RBKS: variants seen among roughly 807,000 people sequenced by gnomAD.
RBKS encodes the protein ribokinase.
In RBKS, 33 loss-of-function variants were observed where a neutral mutation model predicts 33.9. The ratio of observed to expected loss-of-function variants is 0.97; its 90% confidence interval spans 0.74 to 1.30. The LOEUF is 1.30. RBKS is among the 50% of genes most tolerant of loss of function. The pLI is 0.00. For synonymous variants in RBKS, 125 were observed against 143.0 expected (o/e 0.87, Z 0.90); for missense variants, 361 against 392.6 (o/e 0.92, Z 0.68).
intron 2 of RBKS, among the ~76,000 whole-genome samples, chr2:27,857,977 T>A (rs78811807): frequency 6.6e-6 from 1 of 152,134 alleles, no homozygotes; most frequent in Admixed American, 6.6e-5. Context: ...AATCCATTCA[T>A]TGATGAATAA....
At chr2:27,811,069 C>G (rs533350379) in intron 7 of RBKS, among the ~76,000 whole-genome samples, 1 of 152,178 alleles carries the variant, frequency 6.6e-6, no homozygotes, top group East Asian at 1.9e-4. Flanking sequence ...TTTGAAGCAG[C>G]ACAAATATGC....
chr2:27,827,701 C>T lies in RBKS; in HGVS notation c.661G>A (p.Ala221Thr). 6.2e-7 allele frequency: 1 copy of T among 1,613,350 alleles called. No individual in the cohort carries two copies. The highest frequency in any genetic ancestry group is 8.5e-7 in the Non-Finnish European group (1 of 1,179,740). Residue 221 changes from alanine to threonine, a missense_variant, in exon 7 of 8, where the codon GCA becomes ACA. Coordinates refer to ENST00000302188, the MANE Select transcript of RBKS (RefSeq NM_022128.3). ...VGSAADAGEA[A>T]LVLLKRGCQV... ...CAGCCCCTTTTCAAGAGCACTAATG[C>T]AGCCTCCCCAGCATCTGCAGCGCTG... is the stretch of plus-strand genomic sequence containing the variant.
intron 1 of RBKS, among the ~76,000 whole-genome samples, chr2:27,864,757 A>G (rs929007900): frequency 9.9e-5 from 15 of 152,220 alleles, no homozygotes; most frequent in African/African-American, 3.1e-4. Flanking sequence ...AGGTTACATG[A>G]TAAGAATAAC....
intron 5 of RBKS, among the ~76,000 whole-genome samples, chr2:27,835,270 C>G (rs1267453087): frequency 7.3e-6 from 1 of 136,376 alleles, no homozygotes; most frequent in Non-Finnish European, 1.5e-5. Flanking sequence ...GAGCGAAACT[C>G]TGTCTCAAAA....
intron 4 of RBKS, among the ~76,000 whole-genome samples, chr2:27,845,157 T>C (rs901767761): frequency 6.6e-6 from 1 of 152,230 alleles, no homozygotes; most frequent in Non-Finnish European, 1.5e-5. Flanking sequence ...GCTGCTTCCA[T>C]GTTGCTGTCT....
At chr2:27,806,057 A>AT (rs1462559440) in intron 7 of RBKS, among the ~76,000 whole-genome samples, 1 of 151,150 alleles carries the variant, frequency 6.6e-6, no homozygotes, top group African/African-American at 2.4e-5. Flanking sequence ...TTTTTTTGGT[A>AT]TTTTTTTGTA....
chr2:27,851,168 T>C (rs1183549050), intron 2 of RBKS, among the ~76,000 whole-genome samples: 1 of 152,248 alleles, frequency 6.6e-6, no homozygotes, highest in Admixed American at 6.5e-5. Context: ...CACAGAAAAT[T>C]GTTCCTTTCT....
chr2:27,821,691 C>A (rs1455042649), intron 7 of RBKS, among the ~76,000 whole-genome samples: 1 of 152,132 alleles, frequency 6.6e-6, no homozygotes, highest in African/African-American at 2.4e-5. Context: ...GCTCTCAAGG[C>A]AATTCTAACA....
chr2:27,857,174 A>C (rs898378307), intron 2 of RBKS, among the ~76,000 whole-genome samples: 1 of 152,224 alleles, frequency 6.6e-6, no homozygotes, highest in Non-Finnish European at 1.5e-5. Context: ...GAAAAATGAC[A>C]TTTCGAGAAT....
intron 7 of RBKS, among the ~76,000 whole-genome samples, chr2:27,802,924 G>A (rs115508280): frequency 4.7e-4 from 72 of 152,260 alleles, no homozygotes; most frequent in Admixed American, 9.2e-4. Flanking sequence ...ATGCCATTAG[G>A]CACAGTGCCG....
intron 1 of RBKS, among the ~76,000 whole-genome samples, chr2:27,888,199 C>G (rs1037583815): frequency 1.3e-5 from 2 of 151,990 alleles, no homozygotes; most frequent in African/African-American, 4.8e-5. Context: ...GCGATCTCAG[C>G]TCACTGCTAC....
chr2:27,787,488 G>A (rs1677427155), intron 7 of RBKS, among the ~76,000 whole-genome samples: 1 of 152,082 alleles, frequency 6.6e-6, no homozygotes, highest in Admixed American at 6.5e-5. Context: ...TCAAACTCCT[G>A]GGCTCAAGGG....
intron 1 of RBKS, among the ~76,000 whole-genome samples, chr2:27,865,388 T>C (rs1172127772): frequency 1.3e-5 from 2 of 152,202 alleles, no homozygotes; most frequent in Non-Finnish European, 2.9e-5. Context: ...CAGAAAGTCC[T>C]GATCATGCAG....
At chr2:27,836,919 G>GTCATGT (rs1678534187) in intron 5 of RBKS, among the ~76,000 whole-genome samples, 83 of 150,980 alleles carry the variant, frequency 5.5e-4, no homozygotes, top group African/African-American at 2.0e-3. Context: ...CTCATCATCA[G>GTCATGT]AGAAATGCAA....
At chr2:27,816,056 A>G (rs1041226044) in intron 7 of RBKS, among the ~76,000 whole-genome samples, 4 of 152,186 alleles carry the variant, frequency 2.6e-5, no homozygotes, top group Admixed American at 2.0e-4. Context: ...ATGTACACGC[A>G]TGTCCAGGTC....
intron 7 of RBKS, among the ~76,000 whole-genome samples, chr2:27,790,281 T>G (rs1041585328): frequency 5.3e-5 from 8 of 152,062 alleles, no homozygotes; most frequent in African/African-American, 1.9e-4. Context: ...ACACAAACCC[T>G]TACCTCACAC....
At chr2:27,840,868 A>G (rs1447988648) in intron 5 of RBKS, among the ~76,000 whole-genome samples, 1 of 152,158 alleles carries the variant, frequency 6.6e-6, no homozygotes, top group African/African-American at 2.4e-5. Context: ...TGAGAGAACA[A>G]TGCCTGCCAT....
intron 1 of RBKS, among the ~76,000 whole-genome samples, chr2:27,868,474 A>C (rs1375685975): frequency 6.6e-6 from 1 of 152,226 alleles, no homozygotes. Flanking sequence ...TTTTAACCAC[A>C]ATATGCTACT....
At chr2:27,887,127 T>C (rs947063349) in intron 1 of RBKS, among the ~76,000 whole-genome samples, 1 of 152,184 alleles carries the variant, frequency 6.6e-6, no homozygotes, top group African/African-American at 2.4e-5. Context: ...TTGTGCCTAA[T>C]GTAATCACAA....
Sources: allele counts gnomAD v4.1 joint callset (sites outside exome capture counted in the v4.1 genomes callset), GRCh38; gene constraint gnomAD v4.1.1; transcripts MANE v1.5; gene names NCBI Gene and HGNC (gene_info 2026-07-23, HGNC 2026-07-21).